The following AGRN variants were observed in gnomAD, a reference collection of about 807,000 sequenced individuals.
The protein encoded by AGRN is agrin proteoglycan.
A neutral mutation model predicts 211.0 loss-of-function variants in AGRN; 106 were observed. That is an observed-to-expected ratio of 0.50 (90% CI 0.43 to 0.59). The LOEUF (loss-of-function observed/expected upper bound fraction) is 0.59. AGRN is among the 20% of genes least tolerant of loss of function. The pLI is 0.00. For missense variants in AGRN, 3,040 were observed against 2,982.6 expected (o/e 1.02, Z -0.45); for synonymous variants, 1,525 against 1,332.5 (o/e 1.14, Z -3.15).
rs748417950 is a variant in AGRN at position 1,043,529 on chromosome 1, C to T, written c.1604-9C>T. On this transcript the variant is annotated splice_polypyrimidine_tract_variant and intron_variant, in intron 8 of 35. Transcript: ENST00000379370. ...TCCTGGTCGCCTGGTGATGGAAGCT[C>T]CTCCCCAGACCGCTGCGGGCAGTGC... is the stretch of plus-strand genomic sequence containing the variant. The T allele has an allele frequency of 1.1e-4, 184 of 1,603,036 alleles. 1 individual carries two copies. Among genetic ancestry groups the T allele is most frequent in the Non-Finnish European group, 1.5e-4 (180 of 1,179,796 alleles).
At chr1:1,047,970 G>T in intron 22 of AGRN, 42 bp from the exon 23 acceptor site, 1 of 1,571,264 alleles carries the variant, frequency 6.4e-7, no homozygotes, top group African/African-American at 1.3e-5. Flanking sequence ...CCCCTTCCTG[G>T]CCCTGCTCCC....
In AGRN at chr1:1,051,730, C is replaced by T. The variant is rs1311928856; in HGVS notation, c.5566C>T (p.Leu1856=). The change falls in exon 33 of 36, where the codon CTG becomes TTG. Residue 1856 remains leucine, a splice_region_variant and synonymous_variant. Coordinates refer to ENST00000379370, the MANE Select transcript of AGRN (RefSeq NM_198576.4). ...GFSGPHCEKG[L]VEKSAGDVDT... ...ACCCTCACCTGCCTATCTCACAGGG[C>T]TGGTGGAGAAGTCAGCGGGGGACGT... The T allele has an allele frequency of 6.2e-7, 1 of 1,613,776 alleles. No homozygotes were observed. The highest frequency in any genetic ancestry group is 1.1e-5 in the South Asian group (1 of 91,088).
At chr1:1,051,980 CTT>C (rs1447090332) in intron 33 of AGRN, 165 bp downstream of exon 33, 6 of 1,545,744 alleles carry the variant, frequency 3.9e-6, no homozygotes, top group Middle Eastern at 1.7e-4. Flanking sequence ...CTGTCTGTCT[CTT>C]TGTTTCCAAG....
In AGRN at chr1:1,040,887, G is replaced by C. The variant is rs772521361; in HGVS notation, c.727+7G>C. On this transcript the variant is annotated splice_region_variant and intron_variant, in intron 4 of 35. Transcript: ENST00000379370. ...CTCAGCCGCGGGCCGTGCGGTGAGC[G>C]GGGCGGGGCCGGTGCCTGGGGCGGG... The C allele has an allele frequency of 1.0e-5, 15 of 1,479,228 alleles. No homozygotes were observed. The highest frequency in any genetic ancestry group is 1.3e-5 in the South Asian group (1 of 76,282). 91.6% of individuals were successfully genotyped at this position (1,479,228 alleles called of 1,614,324 possible).
At position 1,025,382 on chromosome 1, in the gene AGRN, G is replaced by A. The variant is rs572497698; in HGVS notation, c.463+2920G>A. On this transcript the variant is annotated intron_variant, in intron 2 of 35. Transcript: ENST00000379370. ...TCCTAGGGGAAGCCCAGAGTCCCAC[G>A]GCACCGGGGACAGCATCGGTGCTGG... Among the ~76,000 whole-genome samples, 9 of 152,288 alleles carry A rather than the reference G, an allele frequency of 5.9e-5. No homozygotes were observed. The East Asian group carries it at 1.7e-3, about 29-fold the overall frequency.
intron 3 of AGRN, among the ~76,000 whole-genome samples, 166 bp from the exon 4 acceptor site, chr1:1,040,499 G>T (rs1284835539): frequency 6.6e-6 from 1 of 152,206 alleles, no homozygotes; most frequent in Non-Finnish European, 1.5e-5. Context: ...GAGGGGCAGG[G>T]CCGGTCCTGT....
rs538909713 is a variant in AGRN, at chr1:1,045,394, G to A, written c.2407G>A (p.Gly803Ser). 6 of 1,611,006 alleles carry A rather than the reference G, an allele frequency of 3.7e-6. No individual in the cohort carries two copies. The highest frequency in any genetic ancestry group is 2.2e-5 in the East Asian group (1 of 44,866). ...CQCNPHGSYG[G>S]TCDPATGQCS... ...GTGCAACCCCCATGGCTCTTACGGC[G>A]GCACCTGTGACCCAGCCACAGGCCA... Residue 803 changes from glycine to serine, a missense_variant, in exon 14 of 36, where the codon GGC (glycine) becomes AGC (serine). Gly to Ser is a moderately conservative substitution (Grantham distance 56). Transcript: ENST00000379370.
At chr1:1,054,349 G>C in intron 34 of AGRN, 99 bp from the exon 35 acceptor site, 1 of 1,153,092 alleles carries the variant, frequency 8.7e-7, no homozygotes, top group Non-Finnish European at 1.3e-6. Flanking sequence ...TCTCCAGGCT[G>C]AGGCACCTGC....
intron 7 of AGRN, 32 bp from the exon 8 acceptor site, chr1:1,043,207 G>A (rs369869355): frequency 1.9e-6 from 3 of 1,550,040 alleles, no homozygotes; most frequent in East Asian, 2.4e-5. Flanking sequence ...GGGGGGGCTT[G>A]TGGGACCACT....
intron 2 of AGRN, among the ~76,000 whole-genome samples, chr1:1,033,938 A>C (rs1360445815): frequency 1.3e-5 from 2 of 151,280 alleles, no homozygotes; most frequent in Non-Finnish European, 3.0e-5. Flanking sequence ...GGGTCCCTGG[A>C]GGCGGCTTCC....
At chr1:1,033,911 A>G (rs1195599740) in intron 2 of AGRN, among the ~76,000 whole-genome samples, 1 of 150,616 alleles carries the variant, frequency 6.6e-6, no homozygotes, top group Non-Finnish European at 1.5e-5. Context: ...ATCCTCTGGA[A>G]CTCCCCGCGG....
intron 7 of AGRN, among the ~76,000 whole-genome samples, 166 bp downstream of exon 7, chr1:1,042,328 A>G (rs914549191): frequency 7.9e-5 from 12 of 152,130 alleles, no homozygotes; most frequent in African/African-American, 2.9e-4. Flanking sequence ...TGCGGAGGGT[A>G]CCTGGATACC....
chr1:1,047,569 A>G lies in AGRN; in HGVS notation c.3517-4A>G, dbSNP rs1217835145. 1 of 1,612,858 alleles carries G rather than the reference A, an allele frequency of 6.2e-7. No individual in the cohort carries two copies. Among genetic ancestry groups the G allele is most frequent in the East Asian group, 2.2e-5 (1 of 44,880 alleles). ...CCCAAGTCCTTGCCTACTCCCTGCC[A>G]CAGCTGGACGACCTCTTCCGGAATT... On this transcript the variant is annotated splice_region_variant and splice_polypyrimidine_tract_variant and intron_variant, in intron 20 of 35. Transcript: ENST00000379370.
chr1:1,030,946 A>C (rs1644658186), intron 2 of AGRN, among the ~76,000 whole-genome samples: 1 of 89,484 alleles, frequency 1.1e-5, no homozygotes, highest in Non-Finnish European at 2.1e-5. Context: ...TGTGCAGTGC[A>C]TGGTGCTGTG....
chr1:1,034,420 G>A, intron 2 of AGRN: 1 of 985,752 alleles, frequency 1.0e-6, no homozygotes, highest in East Asian at 1.1e-4. Flanking sequence ...GTGACTGGGT[G>A]AACTCTGAGG....
In AGRN at chr1:1,041,530, G is replaced by A; in HGVS notation, c.1005G>A (p.Pro335=). Residue 335 remains proline (P), a synonymous_variant, in exon 6 of 36, where the codon CCG becomes CCA. Transcript: ENST00000379370. ...PDPSRSCRVN[P]RTRRPEMLLR... ...CGAGCCGCAGCTGCCGTGTGAACCC[G>A]CGCACGCGGCGCCCTGAGATGCTCC... is the stretch of plus-strand genomic sequence containing the variant. 1 of 1,604,160 alleles carries A rather than the reference G, an allele frequency of 6.2e-7. No homozygotes were observed. Among genetic ancestry groups the A allele is most frequent in the Non-Finnish European group, 8.5e-7 (1 of 1,179,004 alleles).
In AGRN at chr1:1,050,605, G is replaced by A. The variant is rs771421981; in HGVS notation, c.5141+14G>A. The A allele has an allele frequency of 6.2e-7, 1 of 1,606,768 alleles. No homozygotes were observed. The highest frequency in any genetic ancestry group is 8.5e-7 in the Non-Finnish European group (1 of 1,176,924). ...AGCGGTCATCAGGTGGGCCGGCAAG[G>A]GTGGCTCTGGGAGGCCTGGGGCACT... On this transcript the variant is annotated intron_variant, in intron 29 of 35. Coordinates refer to ENST00000379370, the MANE Select transcript of AGRN (RefSeq NM_198576.4).
intron 3 of AGRN, among the ~76,000 whole-genome samples, chr1:1,040,325 C>G (rs921812120): frequency 2.0e-5 from 3 of 152,178 alleles, no homozygotes; most frequent in Non-Finnish European, 4.4e-5. Flanking sequence ...TCGCTGGAGG[C>G]CCACGAGGTG....
rs1448745765 is a variant in AGRN, at chr1:1,031,215, GC to G, written c.464-4061del. 6.7e-6 allele frequency among the ~76,000 whole-genome samples: 1 copy of G among 148,820 alleles called. No individual in the cohort carries two copies. The highest frequency in any genetic ancestry group is 2.5e-5 in the African/African-American group (1 of 40,016). Reference sequence around the variant, plus strand: ...TGAGATCAGCATGTGTGTGTGCAGTGCATGGTGCTGTGAGTGTATCAGCATG... The same window carrying G: ...TGAGATCAGCATGTGTGTGTGCAGTGATGGTGCTGTGAGTGTATCAGCATG... On this transcript the variant is annotated intron_variant, in intron 2 of 35. Coordinates refer to ENST00000379370, the MANE Select transcript of AGRN (RefSeq NM_198576.4). This position sits in a 1 kb window ranked among gnomAD's most constrained non-coding sequence, Gnocchi z 4.8.
Sources: allele counts gnomAD v4.1 joint callset (sites outside exome capture counted in the v4.1 genomes callset), GRCh38; gene constraint gnomAD v4.1.1; non-coding constraint Gnocchi (gnomAD v3.1); transcripts MANE v1.5; gene names NCBI Gene and HGNC (gene_info 2026-07-23, HGNC 2026-07-21).